SERGEF: variants seen among roughly 807,000 people sequenced by gnomAD.
SERGEF encodes the protein secretion-regulating guanine nucleotide exchange factor.
SERGEF carries 51 observed loss-of-function variants against 50.0 expected under a neutral mutation model. The ratio of observed to expected loss-of-function variants is 1.02; its 90% CI spans 0.81 to 1.29. SERGEF has a LOEUF of 1.29. Among genes scored for constraint, SERGEF ranks in the 50% most tolerant of loss-of-function variants. The probability of loss-of-function intolerance (pLI) is 0.00; values close to 1 mark genes in which losing one functional copy is unlikely to be tolerated. For synonymous variants in SERGEF, 205 were observed against 212.4 expected (o/e 0.97, Z 0.30); for missense variants, 521 against 557.0 (o/e 0.94, Z 0.65).
In SERGEF at chr11:17,840,924, C is replaced by G. The variant is rs114710605; in HGVS notation, c.1048+37284G>C. Reference sequence around the variant, plus strand: ...AAATATCTTAATAAATAAAAGCACACATGTCAAACACAAATATCTCAATCA... The same window carrying G: ...AAATATCTTAATAAATAAAAGCACAGATGTCAAACACAAATATCTCAATCA... On this transcript the variant is annotated intron_variant, in intron 10 of 10. Coordinates refer to ENST00000265965, the MANE Select transcript of SERGEF (RefSeq NM_012139.4). Among the ~76,000 whole-genome samples the G allele has an allele frequency of 9.2e-3, 1,394 of 152,328 alleles. 21 individuals carry two copies. The highest frequency in any genetic ancestry group is 0.031 in the African/African-American group (1,269 of 41,564).
At chr11:17,904,418 G>A (rs1035362358) in intron 9 of SERGEF, among the ~76,000 whole-genome samples, 3 of 152,198 alleles carry the variant, frequency 2.0e-5, no homozygotes, top group Admixed American at 2.0e-4. Flanking sequence ...ACTGAGCCCC[G>A]CTGGGGCATT....
At chr11:17,983,744 A>AG (rs1321345055) in intron 8 of SERGEF, among the ~76,000 whole-genome samples, 4 of 46,820 alleles carry the variant, frequency 8.5e-5, no homozygotes, top group South Asian at 2.3e-3. Flanking sequence ...CTATGAGAAC[A>AG]GAAAAAAAAA....
intron 9 of SERGEF, 113 bp from the exon 10 acceptor site, chr11:17,878,357 G>A (rs1851277551): frequency 6.9e-6 from 5 of 721,284 alleles, no homozygotes; most frequent in South Asian, 1.8e-5. Context: ...AATTTAGGAA[G>A]GAAATAGAAA....
At chr11:17,937,022 G>A (rs180913235) in intron 9 of SERGEF, among the ~76,000 whole-genome samples, 145 of 151,700 alleles carry the variant, frequency 9.6e-4, no homozygotes, top group African/African-American at 3.4e-3. Context: ...CAAAAACCTG[G>A]GAACAACCTA....
At chr11:17,842,698 C>T (rs1474315642) in intron 10 of SERGEF, among the ~76,000 whole-genome samples, 2 of 152,158 alleles carry the variant, frequency 1.3e-5, no homozygotes, top group African/African-American at 4.8e-5. Context: ...TGTCAAAGGA[C>T]TGAAGCACAG....
At position 17,828,829 on chromosome 11, in the gene SERGEF, G is replaced by A. The variant is rs927973491; in HGVS notation, c.1049-40416C>T. ...GCTTTAAATACGACATTCAACCCCTGCTTCCCCGAGAGTCCCTACAGGCTC... is the reference window on the plus strand; with the variant it reads ...GCTTTAAATACGACATTCAACCCCTACTTCCCCGAGAGTCCCTACAGGCTC... On this transcript the variant is annotated intron_variant, in intron 10 of 10. Transcript: ENST00000265965. Among the ~76,000 whole-genome samples the A allele has an allele frequency of 2.6e-5, 4 of 152,202 alleles. No homozygotes were observed. The East Asian group carries it at 7.7e-4, about 29-fold the overall frequency.
At chr11:17,984,450 G>A (rs574888412) in intron 8 of SERGEF, among the ~76,000 whole-genome samples, 1 of 152,154 alleles carries the variant, frequency 6.6e-6, no homozygotes, top group Non-Finnish European at 1.5e-5. Context: ...GGCAAGGACA[G>A]TACCAAGAAG....
chr11:17,943,768 G>A (rs544031540), intron 9 of SERGEF, among the ~76,000 whole-genome samples: 5 of 152,144 alleles, frequency 3.3e-5, no homozygotes, highest in South Asian at 2.1e-4. Flanking sequence ...ATTATTGTTC[G>A]AAGTTTTTCA....
intron 6 of SERGEF, among the ~76,000 whole-genome samples, chr11:17,994,127 A>G (rs888408805): frequency 6.6e-6 from 1 of 152,234 alleles, no homozygotes; most frequent in Non-Finnish European, 1.5e-5. Flanking sequence ...ACAATTCATA[A>G]TAACAGTATA....
At chr11:17,981,246 A>C (rs565455022) in intron 8 of SERGEF, among the ~76,000 whole-genome samples, 1 of 152,376 alleles carries the variant, frequency 6.6e-6, no homozygotes, top group East Asian at 1.9e-4. Flanking sequence ...TGTATTCTGT[A>C]GCATAGTACT....
rs143843344 is a variant in SERGEF at position 17,852,590 on chromosome 11, T to G, written c.1048+25618A>C. Among the ~76,000 whole-genome samples, 372 of 152,266 alleles carry G rather than the reference T, an allele frequency of 2.4e-3. 1 individual carries two copies. Among genetic ancestry groups the G allele is most frequent in the Middle Eastern group, 6.8e-3 (2 of 294 alleles). On this transcript the variant is annotated intron_variant, in intron 10 of 10. Transcript: ENST00000265965. ...CCTTAAGCATGATTATCACAGACTT[T>G]TAAGTGATAAAAATGTCATAAATCA...
At chr11:17,989,922 C>G (rs1590236653) in intron 7 of SERGEF, among the ~76,000 whole-genome samples, 1 of 152,178 alleles carries the variant, frequency 6.6e-6, no homozygotes, top group Admixed American at 6.5e-5. Flanking sequence ...TTAATCCCAC[C>G]TGTTTCTTTT....
chr11:17,831,355 C>T (rs74886318), intron 10 of SERGEF, among the ~76,000 whole-genome samples: 103 of 152,302 alleles, frequency 6.8e-4, no homozygotes, highest in Non-Finnish European at 1.2e-3. Flanking sequence ...GAGGTCAGCA[C>T]GGGTTGCAGG....
At chr11:18,004,371 GGAGA>G in intron 4 of SERGEF, 66 bp downstream of exon 4, 4 of 1,126,154 alleles carry the variant, frequency 3.6e-6, no homozygotes, top group Non-Finnish European at 5.2e-6. Context: ...TTTATTCTGG[GGAGA>G]GATAGGTTAA....
intron 9 of SERGEF, among the ~76,000 whole-genome samples, chr11:17,915,964 T>C (rs958723146): frequency 2.0e-5 from 3 of 152,198 alleles, no homozygotes; most frequent in African/African-American, 4.8e-5. Context: ...ACTGTTGACG[T>C]AGTGATGGGT....
At chr11:17,852,724 T>A (rs1372546099) in intron 10 of SERGEF, among the ~76,000 whole-genome samples, 1 of 152,226 alleles carries the variant, frequency 6.6e-6, no homozygotes, top group Non-Finnish European at 1.5e-5. Flanking sequence ...AGCATTTACA[T>A]AAACACTTTC....
chr11:17,811,686 C>T (rs1309913167), intron 10 of SERGEF, among the ~76,000 whole-genome samples: 3 of 152,156 alleles, frequency 2.0e-5, no homozygotes, highest in African/African-American at 2.4e-5. Flanking sequence ...GCTCCGGAGG[C>T]GAAGAATACG....
At chr11:17,796,366 T>G (rs1196636310) in intron 10 of SERGEF, among the ~76,000 whole-genome samples, 1 of 152,140 alleles carries the variant, frequency 6.6e-6, no homozygotes, top group Non-Finnish European at 1.5e-5. Flanking sequence ...AAAGTACAGG[T>G]GTTGGAAACT....
chr11:17,916,189 T>C (rs1190292590), intron 9 of SERGEF, among the ~76,000 whole-genome samples: 1 of 152,226 alleles, frequency 6.6e-6, no homozygotes, highest in African/African-American at 2.4e-5. Context: ...TGGGCTTCCC[T>C]GGCTTTGTAG....
Sources: allele counts gnomAD v4.1 joint callset (sites outside exome capture counted in the v4.1 genomes callset), GRCh38; gene constraint gnomAD v4.1.1; transcripts MANE v1.5; gene names NCBI Gene and HGNC (gene_info 2026-07-23, HGNC 2026-07-21).